Variants in LRRFIP1 observed in about 807,000 individuals in gnomAD.
LRRFIP1 encodes LRR binding FLII interacting protein 1, also known as leucine-rich repeat flightless-interacting protein 1.
Under a neutral mutation model 104.4 loss-of-function variants are expected in LRRFIP1, and 62 were observed. That is an observed-to-expected ratio of 0.59 (90% CI 0.48 to 0.73). The LOEUF is 0.73. Ranked by LOEUF, LRRFIP1 falls within the 30% of genes least tolerant of loss-of-function variation. The pLI, the probability that LRRFIP1 is intolerant of heterozygous loss-of-function variation, is 0.00. For synonymous variants in LRRFIP1, 300 were observed against 299.0 expected, an observed-to-expected ratio of 1.00 and a Z score of -0.03; for missense variants, 796 against 824.5, an observed-to-expected ratio of 0.97 and a Z score of 0.42.
rs1310590843 is a variant in LRRFIP1 at position 237,633,080 on chromosome 2, C to T, written c.96+5340C>T. ...CACAGGAGTTGGGAGAGGTGAGGGG[C>T]GTTCAGTGCCCGGCAGGACACAGGA... is the stretch of plus-strand genomic sequence containing the variant. On this transcript the variant is annotated intron_variant, in intron 1 of 23. Coordinates refer to ENST00000308482, the MANE Select transcript of LRRFIP1 (RefSeq NM_001137550.2). Among the ~76,000 whole-genome samples the T allele has an allele frequency of 3.3e-5, 5 of 152,176 alleles. No homozygotes were observed. In the East Asian group the frequency reaches 9.6e-4, roughly 29 times the overall value.
At chr2:237,635,610 C>A (rs556926965) in intron 1 of LRRFIP1, among the ~76,000 whole-genome samples, 2 of 152,306 alleles carry the variant, frequency 1.3e-5, no homozygotes, top group South Asian at 4.1e-4. Context: ...TAGCTTAGGA[C>A]CAAGAGTTCA....
At chr2:237,681,469 C>T (rs1438107332) in intron 1 of LRRFIP1, among the ~76,000 whole-genome samples, 3 of 151,722 alleles carry the variant, frequency 2.0e-5, no homozygotes, top group Non-Finnish European at 2.9e-5. Context: ...TGGGTTCAAG[C>T]GATTCTCCCA....
At position 237,676,616 on chromosome 2, in the gene LRRFIP1, G is replaced by A. The variant is rs538935276; in HGVS notation, c.97-31928G>A. 2.9e-4 allele frequency among the ~76,000 whole-genome samples: 44 copies of A among 152,196 alleles called. 1 individual carries two copies. The highest frequency in any genetic ancestry group is 8.2e-4 in the African/African-American group (34 of 41,516). ...CGCCTCTCCGGTTCAAGGGATTCCC[G>A]TGCCTCAGCCTCCTGAGTAGCTGGA... On this transcript the variant is annotated intron_variant, in intron 1 of 23. Transcript: ENST00000308482.
chr2:237,628,036 G>T (rs2081840175), intron 1 of LRRFIP1, among the ~76,000 whole-genome samples: 1 of 151,722 alleles, frequency 6.6e-6, no homozygotes, highest in African/African-American at 2.4e-5. Flanking sequence ...CCTCGGGAGA[G>T]GAGCCGGGCG....
At chr2:237,705,846 TG>T (rs1446889444) in intron 1 of LRRFIP1, among the ~76,000 whole-genome samples, 12 of 152,190 alleles carry the variant, frequency 7.9e-5, no homozygotes, top group Non-Finnish European at 1.2e-4. Context: ...CTGTTCCTGC[TG>T]GCGTCAGTCA....
intron 19 of LRRFIP1, among the ~76,000 whole-genome samples, chr2:237,761,452 G>C (rs999586385): frequency 6.6e-6 from 1 of 152,188 alleles, no homozygotes; most frequent in African/African-American, 2.4e-5. Context: ...GAACAGCTAG[G>C]AATCTGATTA....
At chr2:237,634,677 T>C (rs989868456) in intron 1 of LRRFIP1, among the ~76,000 whole-genome samples, 6 of 152,232 alleles carry the variant, frequency 3.9e-5, no homozygotes, top group African/African-American at 1.4e-4. Flanking sequence ...GCTGTGTAAA[T>C]AATGTCAATT....
chr2:237,767,025 A>G (rs1201620821), intron 19 of LRRFIP1, among the ~76,000 whole-genome samples: 2 of 152,084 alleles, frequency 1.3e-5, no homozygotes, highest in African/African-American at 2.4e-5. Flanking sequence ...TATACAAACA[A>G]TTAGCCAGGC....
chr2:237,705,945 C>G (rs946615062), intron 1 of LRRFIP1, among the ~76,000 whole-genome samples: 4 of 152,264 alleles, frequency 2.6e-5, no homozygotes, highest in Non-Finnish European at 5.9e-5. Context: ...CTTCTAGACC[C>G]TCTTTTAAAG....
chr2:237,655,640 A>T (rs907130711), intron 1 of LRRFIP1, among the ~76,000 whole-genome samples: 1 of 152,214 alleles, frequency 6.6e-6, no homozygotes, highest in South Asian at 2.1e-4. Flanking sequence ...AATCCACTAA[A>T]GCTGATTTGG....
chr2:237,779,880 GT>G lies in LRRFIP1; in HGVS notation c.*362del, dbSNP rs59469398. ...AAGTAAAGATTCAGTTGGGACTTGA[GT>G]TTTTTTTTTTTTTCATGTGTCTTGC... On this transcript the variant is annotated 3_prime_UTR_variant, in exon 24 of 24. Coordinates refer to ENST00000308482, the MANE Select transcript of LRRFIP1 (RefSeq NM_001137550.2). 0.22 allele frequency: 34,271 copies of G among 154,452 alleles called. 4,033 individuals carry two copies. Among genetic ancestry groups the G allele is most frequent in the East Asian group, 0.41 (2,196 of 5,374 alleles). The allele number at this position is 154,452 out of a possible 1,614,324, so 9.6% of individuals were successfully genotyped here. A position where few individuals can be genotyped will look rare whatever the true frequency, so the allele number is the denominator to read the frequency against.
intron 11 of LRRFIP1, among the ~76,000 whole-genome samples, chr2:237,745,526 A>G (rs868860194): frequency 9.2e-5 from 14 of 152,206 alleles, no homozygotes; most frequent in Admixed American, 2.6e-4. Context: ...TATTTTACAA[A>G]TTATAAAAAC....
chr2:237,772,595 C>T lies in LRRFIP1; in HGVS notation c.1628-271C>T. 3 of 532,860 alleles carry T rather than the reference C, an allele frequency of 5.6e-6. No individual in the cohort carries two copies. In the African/African-American group the frequency reaches 5.7e-5, roughly 10 times the overall value. 33.0% of individuals were successfully genotyped at this position (532,860 alleles called of 1,614,324 possible). ...CAGTCTCTCTCCGCCCTTTTCCCTA[C>T]CCCCTACCATCTCTTTGTCTTCTTC... On this transcript the variant is annotated intron_variant, in intron 21 of 23. Coordinates refer to ENST00000308482, the MANE Select transcript of LRRFIP1 (RefSeq NM_001137550.2).
chr2:237,627,718 C>T lies in LRRFIP1; in HGVS notation c.74C>T (p.Ala25Val). 1 of 1,350,200 alleles carries T rather than the reference C, an allele frequency of 7.4e-7. No individual in the cohort carries two copies. Among genetic ancestry groups the T allele is most frequent in the Non-Finnish European group, 9.6e-7 (1 of 1,039,802 alleles). The allele number at this position is 1,350,200 out of a possible 1,614,324, so 83.6% of individuals were successfully genotyped here. ...NRERLTAEDD[A>V]LNQIAREAEA... is the part of the protein sequence containing the mutation. Reference sequence around the variant, plus strand: ...GAGCGGCTCACGGCGGAGGACGACGCGCTCAACCAGATCGCGCGGGAGGTG... The same window carrying T: ...GAGCGGCTCACGGCGGAGGACGACGTGCTCAACCAGATCGCGCGGGAGGTG... Residue 25 changes from alanine (A) to valine (V), a missense_variant, in exon 1 of 24, where the codon GCG becomes GTG. By Grantham distance (64) the Ala-to-Val change is moderately conservative. Transcript: ENST00000308482.
chr2:237,777,526 A>G (rs972251868), intron 23 of LRRFIP1, among the ~76,000 whole-genome samples: 2 of 152,096 alleles, frequency 1.3e-5, no homozygotes, highest in South Asian at 2.1e-4. Context: ...CGATTATGCC[A>G]CCATCTGCTG....
chr2:237,751,344 G>A, intron 14 of LRRFIP1, 73 bp downstream of exon 14: 1 of 1,238,666 alleles, frequency 8.1e-7, no homozygotes, highest in Non-Finnish European at 1.1e-6. Context: ...ACATCCTAAA[G>A]AAGAAATTCA....
intron 1 of LRRFIP1, among the ~76,000 whole-genome samples, chr2:237,673,324 G>C (rs2090626522): frequency 6.6e-6 from 1 of 152,224 alleles, no homozygotes; most frequent in Non-Finnish European, 1.5e-5. Flanking sequence ...GGATGCCAGG[G>C]CCTCGCCAGG....
chr2:237,692,177 G>A (rs2092832878), intron 1 of LRRFIP1: 2 of 1,028,100 alleles, frequency 1.9e-6, no homozygotes, highest in African/African-American at 1.7e-5. Flanking sequence ...TGGGACGGGC[G>A]GAGGCGCCCG....
intron 11 of LRRFIP1, among the ~76,000 whole-genome samples, chr2:237,743,153 C>T (rs1029950891): frequency 4.6e-5 from 7 of 152,126 alleles, no homozygotes; most frequent in African/African-American, 1.4e-4. Flanking sequence ...GTCAGGGACA[C>T]GTATCCAGGG....
Sources: gnomAD v4.1 joint callset for allele counts (sites outside exome capture counted in the v4.1 genomes callset) on GRCh38, gnomAD v4.1.1 for gene constraint, MANE v1.5 for transcripts, NCBI Gene and HGNC (gene_info 2026-07-23, HGNC 2026-07-21) for gene names.